FBXL18: variants seen among roughly 807,000 people sequenced by gnomAD.
The protein encoded by FBXL18 is F-box/LRR-repeat protein 18.
A neutral mutation model predicts 46.0 loss-of-function variants in FBXL18; 36 were observed. The ratio of observed to expected loss-of-function variants is 0.78; its 90% CI spans 0.60 to 1.03. The LOEUF (loss-of-function observed/expected upper bound fraction) is 1.03. FBXL18 is among the 50% of genes least tolerant of loss of function. The pLI is 0.00. For synonymous variants in FBXL18, 557 were observed against 465.3 expected, an observed-to-expected ratio of 1.20 and a Z score of -2.54; for missense variants, 977 against 1,004.1, an observed-to-expected ratio of 0.97 and a Z score of 0.36.
intron 4 of FBXL18, among the ~76,000 whole-genome samples, chr7:5,460,830 T>C (rs1783233889): frequency 6.6e-6 from 1 of 152,196 alleles, no homozygotes; most frequent in Non-Finnish European, 1.5e-5. Flanking sequence ...TATCTGCACA[T>C]TGCCGCCCCT....
chr7:5,511,829 C>T (rs923648356), intron 1 of FBXL18, among the ~76,000 whole-genome samples: 2 of 151,132 alleles, frequency 1.3e-5, no homozygotes, highest in African/African-American at 4.9e-5. Flanking sequence ...TACCTAGAAC[C>T]CTAACCTGGG....
chr7:5,478,089 T>G lies in FBXL18; in HGVS notation c.*3686A>C, dbSNP rs996167075. On this transcript the variant is annotated 3_prime_UTR_variant, in exon 5 of 5. Transcript: ENST00000382368. Reference sequence around the variant, plus strand: ...AGCTGGCAGGCAACCCTTGTGTGTTTGCAGCGCAAGAGGAGCTCAGCCCGT... The same window carrying G: ...AGCTGGCAGGCAACCCTTGTGTGTTGGCAGCGCAAGAGGAGCTCAGCCCGT... 6.6e-6 allele frequency: 1 copy of G among 152,400 alleles called. No homozygotes were observed. Among genetic ancestry groups the G allele is most frequent in the Non-Finnish European group, 1.5e-5 (1 of 68,174 alleles). 9.4% of individuals were successfully genotyped at this position (152,400 alleles called of 1,614,324 possible).
At chr7:5,473,664 G>C (rs1478859247), downstream of FBXL18, among the ~76,000 whole-genome samples, 13 of 151,666 alleles carry the variant, frequency 8.6e-5, no homozygotes, top group Non-Finnish European at 1.3e-4. Flanking sequence ...AGGAGGCTGA[G>C]GCAGGAGAAT....
intron 4 of FBXL18, chr7:5,489,606 T>TA (rs1283768581): frequency 0.043 from 7,628 of 176,854 alleles, 96 homozygotes; most frequent in Non-Finnish European, 0.06. Flanking sequence ...CCGTCTCTAC[T>TA]AAAAAAAAAA....
chr7:5,487,859 C>A (rs1035853175), intron 4 of FBXL18, among the ~76,000 whole-genome samples: 1 of 105,420 alleles, frequency 9.5e-6, no homozygotes, highest in African/African-American at 3.2e-5. Context: ...TGCGGGACAT[C>A]GGAGGGGGAG....
chr7:5,486,992 T>C (rs1353237853), intron 4 of FBXL18, among the ~76,000 whole-genome samples: 1 of 152,270 alleles, frequency 6.6e-6, no homozygotes, highest in Non-Finnish European at 1.5e-5. Flanking sequence ...CCGCTGCTCC[T>C]CCTCCTCCTT....
At chr7:5,487,256 T>C (rs1360674779) in intron 4 of FBXL18, among the ~76,000 whole-genome samples, 1 of 152,244 alleles carries the variant, frequency 6.6e-6, no homozygotes, top group Non-Finnish European at 1.5e-5. Flanking sequence ...GCACAGGCAC[T>C]GATGCCACGA....
At chr7:5,511,300 CG>C (rs2128239421) in intron 1 of FBXL18, among the ~76,000 whole-genome samples, 1 of 151,638 alleles carries the variant, frequency 6.6e-6, no homozygotes, top group East Asian at 1.9e-4. Context: ...AGCCAGGGGC[CG>C]GGCGCAGTGG....
In FBXL18 at chr7:5,455,364, A is replaced by G. The variant is rs1783156786; in HGVS notation, c.2001-7521T>C. 6.6e-6 allele frequency among the ~76,000 whole-genome samples: 1 copy of G among 151,870 alleles called. No individual in the cohort carries two copies. Among genetic ancestry groups the G allele is most frequent in the Non-Finnish European group, 1.5e-5 (1 of 67,938 alleles). On this transcript the variant is annotated intron_variant and NMD_transcript_variant, in intron 4 of 6. Coordinates refer to the FBXL18 transcript ENST00000415009. The surrounding 1 kb of genome is among the most constrained non-coding windows in gnomAD (Gnocchi z 4.6). ...ACATACTTGAACATTCTCAGGCCAC[A>G]TACTTGGGGAGCACCCTCAGGGAAG...
chr7:5,467,067 A>T (rs1167241213), intron 4 of FBXL18, among the ~76,000 whole-genome samples: 1 of 152,002 alleles, frequency 6.6e-6, no homozygotes, highest in East Asian at 1.9e-4. Context: ...AAATTTAAAA[A>T]TTGGCCGGGC....
chr7:5,509,984 G>A (rs1453545951), intron 1 of FBXL18, among the ~76,000 whole-genome samples: 1 of 152,036 alleles, frequency 6.6e-6, no homozygotes, highest in Non-Finnish European at 1.5e-5. Flanking sequence ...CAAAAAAGGT[G>A]GCAAGCTCTG....
In FBXL18 at chr7:5,465,126, T is replaced by A. The variant is rs186183938; in HGVS notation, c.2001-17283A>T. Among the ~76,000 whole-genome samples the A allele has an allele frequency of 2.8e-4, 42 of 152,288 alleles. No homozygotes were observed. In the East Asian group the frequency reaches 7.7e-3, roughly 28 times the overall value. ...TCAAAATAAAAGATCATATCGTATC[T>A]AGTTTCTGCAACTTCTCTCTGGGAT... is the stretch of plus-strand genomic sequence containing the variant. On this transcript the variant is annotated intron_variant and NMD_transcript_variant, in intron 4 of 6. Transcript: ENST00000415009.
intron 4 of FBXL18, among the ~76,000 whole-genome samples, chr7:5,459,740 A>C (rs1783217746): frequency 2.9e-5 from 4 of 137,890 alleles, no homozygotes; most frequent in Admixed American, 2.2e-4. Flanking sequence ...ACTCCATCTC[A>C]AAAAAAAAAA....
chr7:5,502,164 C>T, intron 2 of FBXL18, 133 bp from the exon 3 acceptor site: 1 of 609,770 alleles, frequency 1.6e-6, no homozygotes, highest in Non-Finnish European at 2.8e-6. Flanking sequence ...CTCTCGCTGC[C>T]TACCTGCCCG....
Position 5,481,711 on chromosome 7 carries a change from CT to C in FBXL18, c.*63del. The C allele has an allele frequency of 1.9e-6, 3 of 1,572,630 alleles. No homozygotes were observed. The highest frequency in any genetic ancestry group is 1.7e-6 in the Non-Finnish European group (2 of 1,151,662). On this transcript the variant is annotated 3_prime_UTR_variant, in exon 5 of 5. Coordinates refer to ENST00000382368, the MANE Select transcript of FBXL18 (RefSeq NM_024963.6). The stretch of plus-strand genomic sequence containing the variant: ...TCCTCTTGTGACAAACCAAGGGTCC[CT>C]GGCGTCCCAGGCTCCTGCAGCTTCT...
chr7:5,489,138 C>T (rs904076300), intron 4 of FBXL18: 18 of 414,878 alleles, frequency 4.3e-5, no homozygotes, highest in African/African-American at 8.3e-5. Flanking sequence ...TGAACCAGGG[C>T]GGACCACGAC....
At chr7:5,459,193 G>A (rs1783210976) in intron 4 of FBXL18, among the ~76,000 whole-genome samples, 1 of 152,186 alleles carries the variant, frequency 6.6e-6, no homozygotes, top group Non-Finnish European at 1.5e-5. Context: ...GAAAACAAAC[G>A]TGTGACCTAC....
At chr7:5,492,123 C>T (rs1330943753) in intron 3 of FBXL18, among the ~76,000 whole-genome samples, 1 of 150,204 alleles carries the variant, frequency 6.7e-6, no homozygotes, top group African/African-American at 2.5e-5. Flanking sequence ...CAAGTCCGCA[C>T]CAAGGCTACA....
In FBXL18 at chr7:5,495,348, G is replaced by A. The variant is rs542292603; in HGVS notation, c.1782-3899C>T. Among the ~76,000 whole-genome samples the A allele has an allele frequency of 2.8e-3, 434 of 152,326 alleles. 1 individual carries two copies. The highest frequency in any genetic ancestry group is 5.3e-3 in the Non-Finnish European group (360 of 68,020). On this transcript the variant is annotated intron_variant, in intron 3 of 4. Transcript: ENST00000382368. ...GGCCTGGCTCTGAAAAGGATGGCCC[G>A]CTTCTGCCCAGACGCTGCCCTGGTC...
Sources: allele counts gnomAD v4.1 joint callset (sites outside exome capture counted in the v4.1 genomes callset), GRCh38; gene constraint gnomAD v4.1.1; non-coding constraint Gnocchi (gnomAD v3.1); transcripts MANE v1.5; gene names NCBI Gene and HGNC (gene_info 2026-07-23, HGNC 2026-07-21).